Variants in RELT observed in about 807,000 individuals in gnomAD.
RELT encodes the protein tumor necrosis factor receptor superfamily member 19L.
Under a neutral mutation model 51.1 loss-of-function variants are expected in RELT, and 37 were observed. The observed-to-expected ratio is 0.72, with a 90% CI of 0.56 to 0.95. The LOEUF (loss-of-function observed/expected upper bound fraction) is 0.95, where lower values mean the gene tolerates loss of function less well. RELT is among the 40% of genes least tolerant of loss of function. The pLI is 0.00. For missense variants in RELT, 535 were observed against 572.6 expected (o/e 0.93, Z 0.67); for synonymous variants, 241 against 235.7 (o/e 1.02, Z -0.21).
Position 73,393,901 on chromosome 11 carries a change from G to C in RELT, c.690G>C (p.Leu230Phe). Residue 230 changes from leucine to phenylalanine, a missense_variant, in exon 7 of 11, where the codon TTG (leucine) becomes TTC (phenylalanine). Coordinates refer to ENST00000064780, the MANE Select transcript of RELT (RefSeq NM_152222.2). ...ACACCATTGGGGTCCTGGTGCGCTTGATCACAGAGAAGAAAGGTGAGGAGA... is the reference window on the plus strand; with the variant it reads ...ACACCATTGGGGTCCTGGTGCGCTTCATCACAGAGAAGAAAGGTGAGGAGA... ...NEDTIGVLVR[L>F]ITEKKENAAA... The C allele has an allele frequency of 6.2e-7, 1 of 1,613,992 alleles. No homozygotes were observed. The highest frequency in any genetic ancestry group is 8.5e-7 in the Non-Finnish European group (1 of 1,179,942).
At chr11:73,385,736 C>T (rs898833189) in intron 1 of RELT, among the ~76,000 whole-genome samples, 1 of 152,122 alleles carries the variant, frequency 6.6e-6, no homozygotes, top group Non-Finnish European at 1.5e-5. Flanking sequence ...TCCTTTAAAC[C>T]CCATGACTGG....
At chr11:73,393,688 T>C (rs1487229729) in intron 6 of RELT, 149 bp from the exon 7 acceptor site, 2 of 1,586,342 alleles carry the variant, frequency 1.3e-6, no homozygotes, top group Non-Finnish European at 1.7e-6. Flanking sequence ...GGATCCCACA[T>C]TTGCAGGGCT....
intron 6 of RELT, chr11:73,393,104 C>T (rs1866246172): frequency 2.0e-6 from 2 of 997,876 alleles, no homozygotes; most frequent in South Asian, 8.7e-5. Context: ...AATGGCATCT[C>T]CCATGCTAGC....
chr11:73,396,569 A>G lies in RELT; in HGVS notation c.*1078A>G, dbSNP rs975157607. On this transcript the variant is annotated 3_prime_UTR_variant, in exon 11 of 11. Transcript: ENST00000064780. ...TCCATCCTGTTTCTCTTATTTATTGAAACTCACCATTGCCCTATCCTTGTG... is the reference window on the plus strand; with the variant it reads ...TCCATCCTGTTTCTCTTATTTATTGGAACTCACCATTGCCCTATCCTTGTG... 1 of 152,250 alleles carries G rather than the reference A, an allele frequency of 6.6e-6. No individual in the cohort carries two copies. The highest frequency in any genetic ancestry group is 1.5e-5 in the Non-Finnish European group (1 of 68,068). The allele number at this position is 152,250 out of a possible 1,614,324, so 9.4% of individuals were successfully genotyped here.
chr11:73,394,257 A>G lies in RELT; in HGVS notation c.728A>G (p.Glu243Gly). 1 of 1,610,294 alleles carries G rather than the reference A, an allele frequency of 6.2e-7. No homozygotes were observed. Among genetic ancestry groups the G allele is most frequent in the Admixed American group, 1.7e-5 (1 of 59,474 alleles). Residue 243 changes from glutamate (E) to glycine (G), a missense_variant, in exon 8 of 11, where the codon GAG becomes GGG. Coordinates refer to ENST00000064780, the MANE Select transcript of RELT (RefSeq NM_152222.2). This position sits in a 1 kb window ranked among gnomAD's most constrained non-coding sequence, Gnocchi z 4.9. ...EKKENAAALE[E>G]LLKEYHSKQL... ...ACAGAGAATGCTGCGGCCCTGGAGG[A>G]GCTGCTGAAAGAGTACCACAGCAAA...
At chr11:73,390,456 C>A in intron 2 of RELT, 95 bp from the exon 3 acceptor site, 3 of 1,169,608 alleles carry the variant, frequency 2.6e-6, no homozygotes, top group Non-Finnish European at 2.6e-6. Flanking sequence ...GTGGTCCCTA[C>A]CACTGGGGTT....
Position 73,394,173 on chromosome 11 carries a change from G to C in RELT, c.707-63G>C. On this transcript the variant is annotated intron_variant, in intron 7 of 10. Transcript: ENST00000064780. This position sits in a 1 kb window ranked among gnomAD's most constrained non-coding sequence, Gnocchi z 4.9. ...GGGTAGGTGGGGGGTTCTCTGCTGG[G>C]GCAGGGGGTGGGAGGTGTGTCCCAT... 6.9e-7 allele frequency: 1 copy of C among 1,453,816 alleles called. No individual in the cohort carries two copies. The highest frequency in any genetic ancestry group is 1.2e-5 in the South Asian group (1 of 82,418). 90.1% of individuals were successfully genotyped at this position (1,453,816 alleles called of 1,614,324 possible).
chr11:73,380,084 T>G (rs1442891197), intron 1 of RELT, among the ~76,000 whole-genome samples: 1 of 152,164 alleles, frequency 6.6e-6, no homozygotes, highest in Non-Finnish European at 1.5e-5. Context: ...CCAGGTGTCC[T>G]CCCTCACTGC....
intron 10 of RELT, 33 bp downstream of exon 10, chr11:73,395,318 C>A: frequency 1.2e-6 from 2 of 1,610,062 alleles, no homozygotes; most frequent in Non-Finnish European, 8.5e-7. Context: ...TCTGTTGGCA[C>A]CTGGGCCAAC....
At position 73,397,039 on chromosome 11, in the gene RELT, G is replaced by GT. The variant is rs1487783212; in HGVS notation, c.*1549dup. On this transcript the variant is annotated 3_prime_UTR_variant, in exon 11 of 11. Coordinates refer to ENST00000064780, the MANE Select transcript of RELT (RefSeq NM_152222.2). ...TTGCTTTTGCTTTGAAATCTGGAGT[G>GT]TATCTTACACATCTTGATTGGAACT... The GT allele has an allele frequency of 6.6e-6, 1 of 152,196 alleles. No individual in the cohort carries two copies. The highest frequency in any genetic ancestry group is 2.4e-5 in the African/African-American group (1 of 41,442). The allele number at this position is 152,196 out of a possible 1,614,324, so 9.4% of individuals were successfully genotyped here. A position where few individuals can be genotyped will look rare whatever the true frequency, so the allele number is the denominator to read the frequency against.
intron 1 of RELT, among the ~76,000 whole-genome samples, chr11:73,387,827 C>A (rs746883975): frequency 3.3e-5 from 5 of 152,224 alleles, no homozygotes; most frequent in African/African-American, 4.8e-5. Context: ...CTTTTCTCAC[C>A]TCACCGGCCT....
chr11:73,389,757 T>C (rs1218202657), intron 2 of RELT, among the ~76,000 whole-genome samples: 2 of 152,218 alleles, frequency 1.3e-5, no homozygotes, highest in Admixed American at 6.5e-5. Context: ...GGTTGCTCCA[T>C]GTACAGGAGG....
chr11:73,389,753 T>C (rs562504356), intron 2 of RELT, among the ~76,000 whole-genome samples: 32 of 152,356 alleles, frequency 2.1e-4, no homozygotes, highest in African/African-American at 6.7e-4. Flanking sequence ...TAAGGGTTGC[T>C]CCATGTACAG....
At chr11:73,382,746 C>T (rs1300100254) in intron 1 of RELT, among the ~76,000 whole-genome samples, 3 of 152,126 alleles carry the variant, frequency 2.0e-5, no homozygotes, top group Admixed American at 6.5e-5. Context: ...TCAGTGAGAC[C>T]CAGCTTAGAG....
chr11:73,394,481 C>A lies in RELT; in HGVS notation c.793C>A (p.Pro265Thr), dbSNP rs768598734. 2 of 1,609,382 alleles carry A rather than the reference C, an allele frequency of 1.2e-6. No homozygotes were observed. Among genetic ancestry groups the A allele is most frequent in the Admixed American group, 3.3e-5 (2 of 59,950 alleles). The change falls in exon 9 of 11, where the codon CCG becomes ACG. Residue 265 changes from proline to threonine, a missense_variant. Pro to Thr is a conservative substitution (Grantham distance 38). Transcript: ENST00000064780. This position sits in a 1 kb window ranked among gnomAD's most constrained non-coding sequence, Gnocchi z 4.9. ...QTSHRPVSKLPPAPPNVPHIC... is the reference protein window; with the variant it reads ...QTSHRPVSKLTPAPPNVPHIC... ...TTCTGCCTGTGCCCCCTGCAGGCTG[C>A]CGCCAGCGCCCCCGAACGTGCCACA...
chr11:73,392,488 C>T lies in RELT; in HGVS notation c.625+20C>T. ...GCAGTGGTGAGGCCCAGCTGGGGTC[C>T]AGGTGGGAAGGACGGGGGCACGAGC... On this transcript the variant is annotated intron_variant, in intron 6 of 10. Transcript: ENST00000064780. The T allele has an allele frequency of 6.2e-7, 1 of 1,606,170 alleles. No homozygotes were observed. Among genetic ancestry groups the T allele is most frequent in the Non-Finnish European group, 8.5e-7 (1 of 1,177,982 alleles).
intron 1 of RELT, among the ~76,000 whole-genome samples, chr11:73,382,740 T>G (rs1866068720): frequency 6.6e-6 from 1 of 152,148 alleles, no homozygotes; most frequent in Non-Finnish European, 1.5e-5. Flanking sequence ...AGGGGTTCAG[T>G]GAGACCCAGC....
intron 5 of RELT, among the ~76,000 whole-genome samples, chr11:73,391,539 C>T (rs1327779387): frequency 1.3e-5 from 2 of 152,224 alleles, no homozygotes; most frequent in African/African-American, 4.8e-5. Context: ...AGTGCAGTGG[C>T]TCATGCCTGT....
rs1866199568 is a variant in RELT at position 73,390,779 on chromosome 11, A to G, written c.145A>G (p.Arg49Gly). The G allele has an allele frequency of 6.2e-7, 1 of 1,609,928 alleles. No individual in the cohort carries two copies. Among genetic ancestry groups the G allele is most frequent in the Non-Finnish European group, 8.5e-7 (1 of 1,178,626 alleles). The change falls in exon 4 of 11, where the codon AGG (arginine) becomes GGG (glycine). Residue 49 changes from arginine to glycine, a missense_variant. Arg to Gly is a moderately radical substitution (Grantham distance 125, BLOSUM62 -2). Transcript: ENST00000064780. ...DLDPGQGTLC[R>G]PCPPGTFSAA... is the part of the protein sequence containing the mutation. Reference sequence around the variant, plus strand: ...GGACCCAGGGCAGGGCACATTATGCAGGCCCTGCCCCCCAGGCACCTTCTC... The same window carrying G: ...GGACCCAGGGCAGGGCACATTATGCGGGCCCTGCCCCCCAGGCACCTTCTC...
Sources: allele counts gnomAD v4.1 joint callset (sites outside exome capture counted in the v4.1 genomes callset), GRCh38; gene constraint gnomAD v4.1.1; non-coding constraint Gnocchi (gnomAD v3.1); transcripts MANE v1.5; gene names NCBI Gene and HGNC (gene_info 2026-07-23, HGNC 2026-07-21).